SCAPER: variants seen among roughly 807,000 people sequenced by gnomAD.
The protein encoded by SCAPER is S phase cyclin A-associated protein in the endoplasmic reticulum.
In SCAPER, 98 loss-of-function variants were observed where a neutral mutation model predicts 182.2. The ratio of observed to expected loss-of-function variants is 0.54; its 90% CI spans 0.46 to 0.64. The LOEUF is 0.64. SCAPER is among the 30% of genes least tolerant of loss of function. SCAPER has a pLI of 0.00. For missense variants in SCAPER, 1,432 were observed against 1,690.0 expected (o/e 0.85, Z 2.68); for synonymous variants, 605 against 564.6 (o/e 1.07, Z -1.01).
At chr15:76,422,877 T>A (rs1429444335) in intron 26 of SCAPER, among the ~76,000 whole-genome samples, 1 of 152,234 alleles carries the variant, frequency 6.6e-6, no homozygotes, top group East Asian at 1.9e-4. Flanking sequence ...GTTGAGATAA[T>A]CATGTGGTTT....
intron 1 of SCAPER, among the ~76,000 whole-genome samples, chr15:76,890,037 G>A (rs2074077933): frequency 6.6e-6 from 1 of 152,122 alleles, no homozygotes; most frequent in African/African-American, 2.4e-5. Flanking sequence ...ACAACTACAT[G>A]GAAACTGAAC....
chr15:76,419,315 G>A (rs1161171689), intron 26 of SCAPER, among the ~76,000 whole-genome samples: 3 of 143,014 alleles, frequency 2.1e-5, no homozygotes, highest in Admixed American at 7.3e-5. Context: ...GGCAACAAGA[G>A]TGAAACTCCG....
intron 29 of SCAPER, among the ~76,000 whole-genome samples, chr15:76,357,188 A>ACACACACACACACACACACACACT (rs774672151): frequency 6.7e-6 from 1 of 149,072 alleles, no homozygotes; most frequent in Admixed American, 6.7e-5. Context: ...ACACACACAC[A>ACACACACACACACACACACACACT]CCCCTATGGC....
chr15:76,546,379 TA>T (rs998918541), intron 23 of SCAPER, among the ~76,000 whole-genome samples: 4 of 151,508 alleles, frequency 2.6e-5, no homozygotes, highest in East Asian at 1.9e-4. Context: ...TGTGCTTTTC[TA>T]AAAAAAAATT....
intron 2 of SCAPER, 38 bp from the exon 3 acceptor site, chr15:76,862,571 A>T (rs753401812): frequency 1.6e-6 from 2 of 1,215,522 alleles, no homozygotes; most frequent in South Asian, 2.7e-5. Flanking sequence ...AGATTATTAG[A>T]TAAGTCAAAA....
chr15:76,801,570 T>C (rs1456084002), intron 6 of SCAPER, among the ~76,000 whole-genome samples: 2 of 152,194 alleles, frequency 1.3e-5, no homozygotes. Flanking sequence ...GCTTTCCATA[T>C]ATAAGTGCTG....
At chr15:76,581,557 C>T (rs772192667) in intron 22 of SCAPER, among the ~76,000 whole-genome samples, 10 of 152,270 alleles carry the variant, frequency 6.6e-5, no homozygotes, top group Non-Finnish European at 1.2e-4. Context: ...AGGACAAAAA[C>T]GATATAATCA....
At chr15:76,670,917 T>G (rs1473822993) in intron 20 of SCAPER, among the ~76,000 whole-genome samples, 4 of 152,164 alleles carry the variant, frequency 2.6e-5, no homozygotes, top group African/African-American at 4.8e-5. Flanking sequence ...ATAATTACAG[T>G]GTTATACAGG....
At chr15:76,710,225 C>A (rs1445807085) in intron 17 of SCAPER, among the ~76,000 whole-genome samples, 2 of 151,754 alleles carry the variant, frequency 1.3e-5, no homozygotes, top group Admixed American at 1.3e-4. Flanking sequence ...AGAAGTAAAA[C>A]AAACTTTATT....
intron 22 of SCAPER, among the ~76,000 whole-genome samples, chr15:76,588,346 T>C (rs2048842329): frequency 6.6e-6 from 1 of 152,246 alleles, no homozygotes; most frequent in South Asian, 2.1e-4. Context: ...CATTATATAA[T>C]GTCCCTCTTT....
intron 29 of SCAPER, among the ~76,000 whole-genome samples, chr15:76,367,762 T>C (rs533358783): frequency 6.6e-6 from 1 of 152,292 alleles, no homozygotes; most frequent in Admixed American, 6.5e-5. Context: ...TTATTTGGAT[T>C]CTGTGAAGTT....
rs763394407 is a variant in SCAPER, at chr15:76,897,538, G to A, written c.-60+7761C>T. On this transcript the variant is annotated intron_variant, in intron 1 of 31. Coordinates refer to ENST00000563290, the MANE Select transcript of SCAPER (RefSeq NM_020843.4). ...CTGGACAACATGGCAAAACCCCATC[G>A]CTACCAAAAATACAAAAACTTAGCT... Among the ~76,000 whole-genome samples, 5 of 151,852 alleles carry A rather than the reference G, an allele frequency of 3.3e-5. No homozygotes were observed. The East Asian group carries it at 5.8e-4, about 18-fold the overall frequency.
intron 21 of SCAPER, among the ~76,000 whole-genome samples, chr15:76,664,831 CATT>C (rs2056447957): frequency 6.6e-6 from 1 of 152,090 alleles, no homozygotes; most frequent in Non-Finnish European, 1.5e-5. Flanking sequence ...CTGAAGTTAT[CATT>C]GATTATGTAA....
intron 29 of SCAPER, among the ~76,000 whole-genome samples, chr15:76,375,769 G>T (rs749144655): frequency 6.6e-6 from 1 of 152,140 alleles, no homozygotes; most frequent in Admixed American, 6.5e-5. Context: ...GATCACCTGA[G>T]GGTCAGGAGT....
chr15:76,896,307 G>A (rs551809188), intron 1 of SCAPER, among the ~76,000 whole-genome samples: 34 of 151,908 alleles, frequency 2.2e-4, no homozygotes, highest in African/African-American at 7.0e-4. Context: ...GGAGGTCAAC[G>A]CTGCAGTGAG....
At chr15:76,483,295 CA>C (rs61261703) in intron 24 of SCAPER, among the ~76,000 whole-genome samples, 90,061 of 132,968 alleles carry the variant, frequency 0.68, 33,467 homozygotes, top group East Asian at 0.85. Context: ...TATTCACATG[CA>C]AAAAAAAAAA....
At chr15:76,490,875 C>T (rs1185770174) in intron 24 of SCAPER, among the ~76,000 whole-genome samples, 1 of 152,126 alleles carries the variant, frequency 6.6e-6, no homozygotes, top group Non-Finnish European at 1.5e-5. Flanking sequence ...GTTTTCTCAA[C>T]ACCATTTGTT....
chr15:76,374,304 A>C (rs1452124741), intron 29 of SCAPER, among the ~76,000 whole-genome samples: 4 of 151,610 alleles, frequency 2.6e-5, no homozygotes, highest in African/African-American at 9.7e-5. Context: ...CAGGACAATC[A>C]CTTGAACCGG....
At chr15:76,705,054 C>G (rs1376851198) in intron 18 of SCAPER, among the ~76,000 whole-genome samples, 1 of 151,946 alleles carries the variant, frequency 6.6e-6, no homozygotes, top group South Asian at 2.1e-4. Context: ...GAGTATATAC[C>G]CAAAGGACTA....
Sources: allele counts gnomAD v4.1 joint callset (sites outside exome capture counted in the v4.1 genomes callset), GRCh38; gene constraint gnomAD v4.1.1; transcripts MANE v1.5; gene names NCBI Gene and HGNC (gene_info 2026-07-23, HGNC 2026-07-21).